The following PTBP3 variants were observed in gnomAD, a reference collection of about 807,000 sequenced individuals.
The protein encoded by PTBP3 is polypyrimidine tract binding protein 3.
PTBP3 carries 20 observed loss-of-function variants against 58.7 expected under a neutral mutation model. The observed-to-expected ratio is 0.34, with a 90% CI of 0.24 to 0.50. The LOEUF (loss-of-function observed/expected upper bound fraction) is 0.50, where lower values mean the gene tolerates loss of function less well. Ranked by LOEUF, PTBP3 falls within the 20% of genes least tolerant of loss-of-function variation. The probability of loss-of-function intolerance (pLI) is 0.98; values close to 1 mark genes in which losing one functional copy is unlikely to be tolerated. For missense variants in PTBP3, 509 were observed against 637.2 expected, an observed-to-expected ratio of 0.80 and a Z score of 2.17; for synonymous variants, 185 against 219.8, an observed-to-expected ratio of 0.84 and a Z score of 1.40.
At chr9:112,324,486 C>G (rs1441599458) in intron 1 of PTBP3, among the ~76,000 whole-genome samples, 2 of 152,090 alleles carry the variant, frequency 1.3e-5, no homozygotes, top group African/African-American at 4.8e-5. Context: ...AACTCTGTCT[C>G]TACTAAATAC....
In PTBP3 at chr9:112,223,392, A is replaced by T; in HGVS notation, c.*459T>A. 1 of 946,188 alleles carries T rather than the reference A, an allele frequency of 1.1e-6. No homozygotes were observed. Among genetic ancestry groups the T allele is most frequent in the Non-Finnish European group, 1.3e-6 (1 of 793,094 alleles). 58.6% of individuals were successfully genotyped at this position (946,188 alleles called of 1,614,324 possible). A position where few individuals can be genotyped will look rare whatever the true frequency, so the allele number is the denominator to read the frequency against. On this transcript the variant is annotated 3_prime_UTR_variant, in exon 14 of 14. Coordinates refer to ENST00000374257, the MANE Select transcript of PTBP3 (RefSeq NM_001163788.4). ...GAATATAATTTCCTACAAGGGTCAGACTTCTGATTCATAAGGTTAATAACT... is the reference window on the plus strand; with the variant it reads ...GAATATAATTTCCTACAAGGGTCAGTCTTCTGATTCATAAGGTTAATAACT...
chr9:112,260,942 T>C lies in PTBP3; in HGVS notation c.516+1493A>G, dbSNP rs901258979. Among the ~76,000 whole-genome samples, 7 of 152,236 alleles carry C rather than the reference T, an allele frequency of 4.6e-5. No individual in the cohort carries two copies. The East Asian group carries it at 1.2e-3, about 25-fold the overall frequency. ...TTTGTTACTGTGGTTAGGGAGATGA[T>C]AAATGAAATTATAAGACAGGACCAC... On this transcript the variant is annotated intron_variant, in intron 5 of 13. Transcript: ENST00000374257.
chr9:112,333,440 G>A lies in PTBP3; in HGVS notation c.-52+30C>T, dbSNP rs747250183. The A allele has an allele frequency of 4.5e-6, 7 of 1,570,268 alleles. No individual in the cohort carries two copies. The Admixed American group carries it at 1.3e-4, about 28-fold the overall frequency. On this transcript the variant is annotated intron_variant, in intron 1 of 13. Transcript: ENST00000374257. ...GGTGGAAGCGGCGCCAAGGCAACCC[G>A]GTGCGGCCGCCGCGCCGCCTAGTAC...
At chr9:112,292,015 A>G (rs1828456832) in intron 2 of PTBP3, among the ~76,000 whole-genome samples, 1 of 152,208 alleles carries the variant, frequency 6.6e-6, no homozygotes, top group South Asian at 2.1e-4. Flanking sequence ...CAACTCAACA[A>G]CAAAAACAAT....
chr9:112,269,122 A>G (rs1000865842), intron 3 of PTBP3, among the ~76,000 whole-genome samples: 3 of 150,106 alleles, frequency 2.0e-5, no homozygotes, highest in African/African-American at 7.4e-5. Flanking sequence ...ACTTGAACCC[A>G]GGAGGCGGAG....
intron 2 of PTBP3, among the ~76,000 whole-genome samples, chr9:112,291,892 C>G (rs1828448227): frequency 1.3e-5 from 2 of 152,080 alleles, no homozygotes; most frequent in African/African-American, 2.4e-5. Context: ...TCAAAACCCT[C>G]TGCACAGCAA....
At chr9:112,377,908 TTGAG>T in the PTBP3 span, among the ~76,000 whole-genome samples, 7 of 152,236 alleles carry the variant, frequency 4.6e-5, no homozygotes, top group Non-Finnish European at 8.8e-5. Flanking sequence ...GTTCCATATC[TTGAG>T]TATGTCTTTT....
chr9:112,219,832 T>G lies in PTBP3; in HGVS notation c.*4019A>C, dbSNP rs1834743039. On this transcript the variant is annotated 3_prime_UTR_variant, in exon 14 of 14. Transcript: ENST00000374257. ...TCTCCCACTATAAAACCCCTCAAACTAAGATTTTAATAATTTTCTATATTT... is the reference window on the plus strand; with the variant it reads ...TCTCCCACTATAAAACCCCTCAAACGAAGATTTTAATAATTTTCTATATTT... 1 of 157,686 alleles carries G rather than the reference T, an allele frequency of 6.3e-6. No homozygotes were observed. The highest frequency in any genetic ancestry group is 1.9e-4 in the East Asian group (1 of 5,254). The allele number at this position is 157,686 out of a possible 1,614,324, so 9.8% of individuals were successfully genotyped here.
At chr9:112,233,931 C>CATA (rs1254873795) in intron 8 of PTBP3, among the ~76,000 whole-genome samples, 2 of 68,482 alleles carry the variant, frequency 2.9e-5, no homozygotes, top group African/African-American at 2.1e-4. Flanking sequence ...CTATCTGTCT[C>CATA]ACAACAACAA....
intron 1 of PTBP3, among the ~76,000 whole-genome samples, chr9:112,308,329 T>C (rs943231160): frequency 6.9e-6 from 1 of 144,562 alleles, no homozygotes; most frequent in African/African-American, 2.6e-5. Flanking sequence ...ACCTGGCCAA[T>C]GTTAAACCTA....
the PTBP3 span, among the ~76,000 whole-genome samples, chr9:112,349,220 C>A: frequency 1.3e-5 from 2 of 152,096 alleles, no homozygotes; most frequent in African/African-American, 4.8e-5. Context: ...ATTTGATGAG[C>A]TTCCGGGTTG....
At position 112,268,094 on chromosome 9, in the gene PTBP3, A is replaced by G. The variant is rs1196747812; in HGVS notation, c.306T>C (p.Tyr102=). The G allele has an allele frequency of 7.4e-6, 12 of 1,613,636 alleles. No homozygotes were observed. Among genetic ancestry groups the G allele is most frequent in the Non-Finnish European group, 9.3e-6 (11 of 1,179,774 alleles). ...HLRSQPVYIQ[Y]SNHRELKTDN... ...CAGTCTTAAGTTCTCTGTGATTGGA[A>G]TACTGAATATAAACAGGCTGGCTTC... Residue 102 remains tyrosine (Y), a synonymous_variant, in exon 4 of 14, where the codon TAT becomes TAC. Transcript: ENST00000374257.
chr9:112,376,203 G>A, the PTBP3 span, among the ~76,000 whole-genome samples: 21 of 3,676 alleles, frequency 5.7e-3, 1 homozygote, highest in Admixed American at 0.065. Flanking sequence ...ATATACGTGT[G>A]TGTGTGTGTG....
Position 112,244,289 on chromosome 9 carries a change from C to CAAAAAAAAAAAAA in PTBP3, c.802+6627_802+6639dup, listed in dbSNP as rs56052359. Among the ~76,000 whole-genome samples the CAAAAAAAAAAAAA allele has an allele frequency of 9.3e-3, 339 of 36,280 alleles. 81 individuals carry two copies. The highest frequency in any genetic ancestry group is 0.028 in the South Asian group (15 of 538). The allele number at this position is 36,280 out of a possible 152,430, so 23.8% of individuals were successfully genotyped here. A position where few individuals can be genotyped will look rare whatever the true frequency, so the allele number is the denominator to read the frequency against. On this transcript the variant is annotated intron_variant, in intron 7 of 13. Coordinates refer to ENST00000374257, the MANE Select transcript of PTBP3 (RefSeq NM_001163788.4). Reference sequence around the variant, plus strand: ...TGGGCAACAGAGTGAGACTCTGTCTCAAAAAAAAAAAAAAAAAAGTTCTCA... The same window carrying CAAAAAAAAAAAAA: ...TGGGCAACAGAGTGAGACTCTGTCTCAAAAAAAAAAAAAAAAAAAAAAAAAAAAAAAGTTCTCA...
intron 1 of PTBP3, among the ~76,000 whole-genome samples, chr9:112,322,515 G>A (rs930752002): frequency 5.9e-5 from 9 of 152,194 alleles, no homozygotes; most frequent in Admixed American, 2.0e-4. Context: ...AGAGCTGCAA[G>A]GCTCAGACTC....
At chr9:112,287,689 T>A (rs1454706813) in intron 2 of PTBP3, among the ~76,000 whole-genome samples, 1 of 152,228 alleles carries the variant, frequency 6.6e-6, no homozygotes, top group African/African-American at 2.4e-5. Flanking sequence ...TATCTTCAAA[T>A]TCACTGATGT....
intron 10 of PTBP3, among the ~76,000 whole-genome samples, chr9:112,228,920 T>C (rs1321628991): frequency 1.3e-5 from 2 of 152,210 alleles, no homozygotes; most frequent in Non-Finnish European, 2.9e-5. Context: ...CCATCAAAGC[T>C]ATCAACACCA....
intron 2 of PTBP3, among the ~76,000 whole-genome samples, chr9:112,283,147 A>G (rs1046641330): frequency 2.0e-5 from 3 of 152,224 alleles, no homozygotes; most frequent in African/African-American, 7.2e-5. Context: ...AGCTCTTTAT[A>G]GCAGTGTGAG....
intron 1 of PTBP3, among the ~76,000 whole-genome samples, chr9:112,327,682 C>T (rs1263440463): frequency 6.6e-6 from 1 of 152,080 alleles, no homozygotes; most frequent in Non-Finnish European, 1.5e-5. Flanking sequence ...AAGGTATACA[C>T]TTAGGTATAA....
Sources: gnomAD v4.1 joint callset for allele counts (sites outside exome capture counted in the v4.1 genomes callset) on GRCh38, gnomAD v4.1.1 for gene constraint, MANE v1.5 for transcripts, NCBI Gene and HGNC (gene_info 2026-07-23, HGNC 2026-07-21) for gene names.